BBX: variants seen among roughly 807,000 people sequenced by gnomAD.
BBX encodes the protein BBX high mobility group box domain containing, also known as HMG box transcription factor BBX.
In BBX, 30 loss-of-function variants were observed where a neutral mutation model predicts 100.2. The ratio of observed to expected loss-of-function variants is 0.30; its 90% CI spans 0.22 to 0.41. The LOEUF (loss-of-function observed/expected upper bound fraction) is 0.41, where lower values mean the gene tolerates loss of function less well. Among genes scored for constraint, BBX ranks in the 10% least tolerant of loss-of-function variants. The pLI, the probability that BBX is intolerant of heterozygous loss-of-function variation, is 1.00. For synonymous variants in BBX, 376 were observed against 388.1 expected (o/e 0.97, Z 0.37); for missense variants, 1,023 against 1,129.8 (o/e 0.91, Z 1.35).
At chr3:107,754,890 A>G (rs1312056165) in intron 9 of BBX, among the ~76,000 whole-genome samples, 1 of 152,224 alleles carries the variant, frequency 6.6e-6, no homozygotes, top group African/African-American at 2.4e-5. Flanking sequence ...TTATTTAAAA[A>G]ATGAGAAAAG....
At chr3:107,680,987 G>A (rs73850118) in intron 3 of BBX, among the ~76,000 whole-genome samples, 2,082 of 152,162 alleles carry the variant, frequency 0.014, 48 homozygotes, top group African/African-American at 0.048. Flanking sequence ...GTTGTACCAT[G>A]GTGGCCCAGC....
chr3:107,726,091 C>T (rs2062909853), intron 5 of BBX, among the ~76,000 whole-genome samples: 2 of 152,040 alleles, frequency 1.3e-5, no homozygotes, highest in East Asian at 1.9e-4. Context: ...CATGATTGAA[C>T]GGCATGCTAA....
chr3:107,698,020 T>A (rs935550934), intron 3 of BBX, among the ~76,000 whole-genome samples: 1 of 151,904 alleles, frequency 6.6e-6, no homozygotes, highest in Non-Finnish European at 1.5e-5. Context: ...CCCCTTGCGC[T>A]TCCCGAGTGA....
intron 7 of BBX, among the ~76,000 whole-genome samples, chr3:107,740,504 C>T (rs1447177867): frequency 6.6e-6 from 1 of 152,062 alleles, no homozygotes; most frequent in Admixed American, 6.5e-5. Context: ...CCCCAGACAG[C>T]GTCACCCTGC....
intron 3 of BBX, among the ~76,000 whole-genome samples, chr3:107,709,631 A>C (rs2061597415): frequency 6.6e-6 from 1 of 152,230 alleles, no homozygotes; most frequent in Admixed American, 6.5e-5. Context: ...GAGAAGTAAC[A>C]TCAGAAAAAA....
intron 13 of BBX, among the ~76,000 whole-genome samples, chr3:107,785,179 G>GA (rs201420142): frequency 0.01 from 1,347 of 128,596 alleles, 12 homozygotes; most frequent in African/African-American, 0.019. Flanking sequence ...GTATCTGGGG[G>GA]AAAAAAAAAA....
chr3:107,711,405 A>G, intron 4 of BBX: 1 of 445,928 alleles, frequency 2.2e-6, no homozygotes, highest in Middle Eastern at 3.4e-4. Flanking sequence ...GAAAGAATAA[A>G]TGAGTACATA....
chr3:107,545,419 G>A (rs2049161028), intron 2 of BBX, among the ~76,000 whole-genome samples: 1 of 152,118 alleles, frequency 6.6e-6, no homozygotes, highest in Admixed American at 6.5e-5. Flanking sequence ...AAAAAATGAA[G>A]CTTTTATAAA....
chr3:107,792,207 T>C (rs2069133285), intron 15 of BBX, among the ~76,000 whole-genome samples: 1 of 152,244 alleles, frequency 6.6e-6, no homozygotes. Context: ...CTGTTGATTC[T>C]CTTTTTTTCA....
chr3:107,794,759 T>C (rs2069426671), intron 15 of BBX, among the ~76,000 whole-genome samples: 1 of 152,176 alleles, frequency 6.6e-6, no homozygotes, highest in African/African-American at 2.4e-5. Flanking sequence ...ATAATTTCAG[T>C]GCAAGTTTGA....
chr3:107,617,537 C>T (rs2055388476), intron 2 of BBX, among the ~76,000 whole-genome samples: 1 of 151,996 alleles, frequency 6.6e-6, no homozygotes, highest in Non-Finnish European at 1.5e-5. Context: ...ACTGAGATCT[C>T]CCTTGATTTT....
chr3:107,744,769 G>A, intron 8 of BBX, 59 bp downstream of exon 8: 1 of 1,368,038 alleles, frequency 7.3e-7, no homozygotes, highest in Non-Finnish European at 1.0e-6. Flanking sequence ...GCTTAAATTG[G>A]GGCTGATAAC....
intron 4 of BBX, among the ~76,000 whole-genome samples, chr3:107,715,213 T>G (rs184229120): frequency 3.0e-4 from 45 of 152,306 alleles, no homozygotes; most frequent in African/African-American, 1.1e-3. Context: ...CAGAGAGTGA[T>G]CCTCAAACCA....
chr3:107,689,064 C>T lies in BBX; in HGVS notation c.-9-21388C>T, dbSNP rs529639761. Among the ~76,000 whole-genome samples the T allele has an allele frequency of 5.3e-5, 8 of 152,286 alleles. No individual in the cohort carries two copies. In the South Asian group the frequency reaches 1.5e-3, roughly 28 times the overall value. ...TTCCTTATTTTTTTCCCCCTAGAAT[C>T]AGGGCGATCAAGTATATTTTATTTT... On this transcript the variant is annotated intron_variant, in intron 3 of 17. Transcript: ENST00000325805.
intron 3 of BBX, among the ~76,000 whole-genome samples, chr3:107,690,889 C>CG (rs1187136131): frequency 2.3e-5 from 2 of 86,692 alleles, no homozygotes; most frequent in African/African-American, 3.6e-5. Flanking sequence ...GATGCCCCCC[C>CG]CCCTTTTTTT....
At chr3:107,700,414 CATTATT>C (rs71113690) in intron 3 of BBX, among the ~76,000 whole-genome samples, 12,556 of 69,920 alleles carry the variant, frequency 0.18, 1,565 homozygotes, top group African/African-American at 0.33. Context: ...CTTTCATCAT[CATTATT>C]ATTATTATTA....
intron 2 of BBX, among the ~76,000 whole-genome samples, chr3:107,607,976 A>G (rs941439581): frequency 6.6e-6 from 1 of 152,024 alleles, no homozygotes; most frequent in African/African-American, 2.4e-5. Context: ...TGTCAGATGG[A>G]TAGTTTGCAA....
At chr3:107,674,828 C>T (rs1258794287) in intron 3 of BBX, 1 of 152,552 alleles carries the variant, frequency 6.6e-6, no homozygotes, top group Non-Finnish European at 1.5e-5. Flanking sequence ...AGTGTTAGGG[C>T]AAGGCCTGGT....
At chr3:107,723,435 AG>A (rs767418716) in intron 5 of BBX, among the ~76,000 whole-genome samples, 1 of 151,818 alleles carries the variant, frequency 6.6e-6, no homozygotes, top group Non-Finnish European at 1.5e-5. Flanking sequence ...TTATACTTTA[AG>A]TTCTAGTGTA....
Sources: gnomAD v4.1 joint callset for allele counts (sites outside exome capture counted in the v4.1 genomes callset) on GRCh38, gnomAD v4.1.1 for gene constraint, MANE v1.5 for transcripts, NCBI Gene and HGNC (gene_info 2026-07-23, HGNC 2026-07-21) for gene names.